Variants in QTMAN observed in about 807,000 individuals in gnomAD.
The protein encoded by QTMAN is tRNA-queuosine alpha-mannosyltransferase.
chr2:144,121,357 T>G, the QTMAN span, among the ~76,000 whole-genome samples: 1 of 152,142 alleles, frequency 6.6e-6, no homozygotes. Context: ...AGGGCCTTGA[T>G]CCCCTGTACA....
At chr2:144,054,888 G>A in the QTMAN span, among the ~76,000 whole-genome samples, 5 of 152,158 alleles carry the variant, frequency 3.3e-5, no homozygotes, top group African/African-American at 1.2e-4. Flanking sequence ...TGACAAGTGT[G>A]ATATCCACTG....
the QTMAN span, among the ~76,000 whole-genome samples, chr2:144,201,579 A>G: frequency 1.3e-5 from 2 of 152,208 alleles, no homozygotes; most frequent in South Asian, 4.1e-4. Context: ...CTTTCTTTCA[A>G]TCAACAAAGG....
At chr2:144,157,734 T>G in the QTMAN span, among the ~76,000 whole-genome samples, 6 of 152,032 alleles carry the variant, frequency 3.9e-5, no homozygotes, top group South Asian at 1.2e-3. Flanking sequence ...CCACATTCTA[T>G]TCAATTAAGC....
the QTMAN span, among the ~76,000 whole-genome samples, chr2:144,270,494 G>A: frequency 9.5e-4 from 145 of 152,296 alleles, no homozygotes; most frequent in Non-Finnish European, 1.7e-3. Context: ...ATGCGTTAAT[G>A]TCCTTTGCAG....
chr2:144,093,055 T>C, the QTMAN span, among the ~76,000 whole-genome samples: 1 of 152,126 alleles, frequency 6.6e-6, no homozygotes, highest in African/African-American at 2.4e-5. Context: ...TGGAAAAAAT[T>C]ACATGACCGC....
At chr2:144,028,603 G>C in the QTMAN span, among the ~76,000 whole-genome samples, 1 of 152,100 alleles carries the variant, frequency 6.6e-6, no homozygotes, top group Non-Finnish European at 1.5e-5. Context: ...ATGAGACCAC[G>C]CTTCCACCGA....
the QTMAN span, among the ~76,000 whole-genome samples, chr2:144,302,620 T>C: frequency 6.6e-6 from 1 of 152,206 alleles, no homozygotes; most frequent in Non-Finnish European, 1.5e-5. Flanking sequence ...CAATATTCAA[T>C]AGGTATTTAC....
chr2:144,231,308 T>C, the QTMAN span, among the ~76,000 whole-genome samples: 1 of 152,144 alleles, frequency 6.6e-6, no homozygotes, highest in East Asian at 1.9e-4. Context: ...TTGAAACCTA[T>C]ATTGACATTC....
chr2:144,251,403 G>A, the QTMAN span, among the ~76,000 whole-genome samples: 4 of 152,120 alleles, frequency 2.6e-5, no homozygotes, highest in African/African-American at 9.7e-5. Flanking sequence ...CTTGACAAAG[G>A]AGCAAAGGCA....
At chr2:143,949,838 AT>A in the QTMAN span, among the ~76,000 whole-genome samples, 1 of 150,868 alleles carries the variant, frequency 6.6e-6, no homozygotes, top group Non-Finnish European at 1.5e-5. Flanking sequence ...TTTAGAAGGC[AT>A]TTTTTTTTCT....
the QTMAN span, among the ~76,000 whole-genome samples, chr2:144,267,770 A>T: frequency 6.6e-6 from 1 of 152,174 alleles, no homozygotes; most frequent in South Asian, 2.1e-4. Flanking sequence ...TGAAAGACAA[A>T]AAGAGAGAGA....
chr2:144,103,084 T>C, the QTMAN span, among the ~76,000 whole-genome samples: 2 of 152,132 alleles, frequency 1.3e-5, no homozygotes, highest in African/African-American at 4.8e-5. Flanking sequence ...TATTGGATGG[T>C]GGTGATGATG....
the QTMAN span, among the ~76,000 whole-genome samples, chr2:144,213,022 C>G: frequency 6.6e-6 from 1 of 151,982 alleles, no homozygotes; most frequent in Admixed American, 6.6e-5. Context: ...TATTCATAAT[C>G]GAAAGGGGAT....
At chr2:144,268,366 T>C in the QTMAN span, among the ~76,000 whole-genome samples, 9 of 152,190 alleles carry the variant, frequency 5.9e-5, no homozygotes, top group Non-Finnish European at 1.0e-4. Flanking sequence ...GGCTCAGGTA[T>C]TCCCTTATAG....
At chr2:143,972,321 T>C in the QTMAN span, among the ~76,000 whole-genome samples, 1 of 152,110 alleles carries the variant, frequency 6.6e-6, no homozygotes, top group African/African-American at 2.4e-5. Context: ...ATATAATATA[T>C]CTTAAAGTGA....
chr2:144,143,237 C>T, the QTMAN span, among the ~76,000 whole-genome samples: 3 of 152,006 alleles, frequency 2.0e-5, no homozygotes, highest in Non-Finnish European at 4.4e-5. Context: ...GTAATCCTAT[C>T]GTAAGTTGAG....
At chr2:144,265,958 T>C in the QTMAN span, among the ~76,000 whole-genome samples, 1 of 152,198 alleles carries the variant, frequency 6.6e-6, no homozygotes, top group East Asian at 1.9e-4. Flanking sequence ...CATTCATCTA[T>C]ATTCACAGCT....
chr2:144,024,266 T>G, the QTMAN span, among the ~76,000 whole-genome samples: 1 of 152,268 alleles, frequency 6.6e-6, no homozygotes, highest in Non-Finnish European at 1.5e-5. Context: ...TATTCTTTAC[T>G]TCCCTGTGGT....
At chr2:144,098,500 A>G in the QTMAN span, among the ~76,000 whole-genome samples, 1 of 152,130 alleles carries the variant, frequency 6.6e-6, no homozygotes, top group Non-Finnish European at 1.5e-5. Context: ...AGATTGTCTA[A>G]GCTCAGAAAT....
Sources: gnomAD v4.1 joint callset for allele counts (sites outside exome capture counted in the v4.1 genomes callset) on GRCh38, gnomAD v4.1.1 for gene constraint, MANE v1.5 for transcripts, NCBI Gene and HGNC (gene_info 2026-07-23, HGNC 2026-07-21) for gene names.